The following SPOCK3 variants were observed in gnomAD, a reference collection of about 807,000 sequenced individuals.
SPOCK3 encodes the protein testican-3.
SPOCK3 carries 30 observed loss-of-function variants against 56.6 expected under a neutral mutation model. The ratio of observed to expected loss-of-function variants is 0.53; its 90% CI spans 0.40 to 0.72. The LOEUF (loss-of-function observed/expected upper bound fraction) is 0.72, where lower values mean the gene tolerates loss of function less well. SPOCK3 is among the 30% of genes least tolerant of loss of function. The pLI is 0.00. For missense variants in SPOCK3, 527 were observed against 530.0 expected, an observed-to-expected ratio of 0.99 and a Z score of 0.06; for synonymous variants, 196 against 183.3, an observed-to-expected ratio of 1.07 and a Z score of -0.56.
At chr4:166,938,400 A>C (rs965625601) in intron 4 of SPOCK3, among the ~76,000 whole-genome samples, 8 of 152,196 alleles carry the variant, frequency 5.3e-5, no homozygotes, top group Non-Finnish European at 1.2e-4. Context: ...ATATGAATAC[A>C]GGAAGTATAC....
chr4:166,957,590 T>G (rs187338884), intron 4 of SPOCK3, among the ~76,000 whole-genome samples: 91 of 152,322 alleles, frequency 6.0e-4, no homozygotes, highest in African/African-American at 2.1e-3. Flanking sequence ...GGCTCTTTCT[T>G]CAAAATATCT....
chr4:166,777,181 G>GT (rs934798634), intron 7 of SPOCK3, among the ~76,000 whole-genome samples: 6 of 152,010 alleles, frequency 3.9e-5, no homozygotes, highest in African/African-American at 1.4e-4. Context: ...AATTCAAATT[G>GT]TTTTAAATGC....
At chr4:167,106,760 G>T (rs542340445) in intron 2 of SPOCK3, among the ~76,000 whole-genome samples, 60 of 144,112 alleles carry the variant, frequency 4.2e-4, no homozygotes, top group African/African-American at 1.5e-3. Context: ...GCAGACCAAT[G>T]AATTAAAAAA....
intron 2 of SPOCK3, among the ~76,000 whole-genome samples, chr4:167,085,412 C>T (rs2150298973): frequency 6.6e-6 from 1 of 152,210 alleles, no homozygotes; most frequent in African/African-American, 2.4e-5. Flanking sequence ...TATTCCAGGA[C>T]CTCTGTCTCC....
chr4:166,949,654 G>A (rs979695325), intron 4 of SPOCK3, among the ~76,000 whole-genome samples: 20 of 152,032 alleles, frequency 1.3e-4, no homozygotes, highest in Non-Finnish European at 1.6e-4. Flanking sequence ...GCAGAACAGC[G>A]GTTTTTCATG....
intron 3 of SPOCK3, among the ~76,000 whole-genome samples, chr4:167,060,778 G>A (rs1755520592): frequency 6.6e-6 from 1 of 152,000 alleles, no homozygotes; most frequent in Non-Finnish European, 1.5e-5. Flanking sequence ...AACAGGTTTG[G>A]GGGTTCAGAC....
intron 2 of SPOCK3, among the ~76,000 whole-genome samples, chr4:167,167,321 C>A (rs892129515): frequency 1.3e-5 from 2 of 152,040 alleles, no homozygotes; most frequent in African/African-American, 2.4e-5. Context: ...GCTAAGATTG[C>A]GTTTTGGTGA....
chr4:167,016,665 T>C (rs983415276), intron 3 of SPOCK3, among the ~76,000 whole-genome samples: 3 of 151,886 alleles, frequency 2.0e-5, no homozygotes, highest in Non-Finnish European at 2.9e-5. Context: ...CTCAGTCTCC[T>C]GAGTAGCTGG....
At chr4:167,056,906 C>T (rs1359934907) in intron 3 of SPOCK3, among the ~76,000 whole-genome samples, 6 of 152,032 alleles carry the variant, frequency 3.9e-5, no homozygotes, top group Non-Finnish European at 7.4e-5. Context: ...GCAAGGCAGG[C>T]CAACATTCAG....
chr4:167,165,617 T>C (rs553976963), intron 2 of SPOCK3, among the ~76,000 whole-genome samples: 44 of 152,132 alleles, frequency 2.9e-4, no homozygotes, highest in African/African-American at 9.9e-4. Context: ...TTGGTTCAAT[T>C]CCTAGAAATT....
rs550922110 is a variant in SPOCK3, at chr4:166,968,586, G to A, written c.350+31763C>T. On this transcript the variant is annotated intron_variant, in intron 4 of 10. Coordinates refer to ENST00000357545, the MANE Select transcript of SPOCK3 (RefSeq NM_001040159.2). ...CTTGGTGGCTTCCATGTGATGTTGG[G>A]CATGCAGGTGCACAGAAGGCAAGAA... Among the ~76,000 whole-genome samples, 647 of 152,086 alleles carry A rather than the reference G, an allele frequency of 4.3e-3. 6 individuals are homozygous for A. The highest frequency in any genetic ancestry group is 5.9e-3 in the Non-Finnish European group (402 of 68,032).
intron 6 of SPOCK3, among the ~76,000 whole-genome samples, chr4:166,872,118 A>G (rs1007792807): frequency 3.3e-5 from 5 of 151,642 alleles, no homozygotes; most frequent in African/African-American, 1.2e-4. Context: ...TGACAAACTG[A>G]AAAATTTTCC....
At chr4:167,166,065 C>T (rs1373439927) in intron 2 of SPOCK3, among the ~76,000 whole-genome samples, 1 of 151,848 alleles carries the variant, frequency 6.6e-6, no homozygotes, top group Admixed American at 6.6e-5. Flanking sequence ...GGATTATAGA[C>T]AACAATGAGA....
chr4:166,842,170 G>T (rs1747480373), intron 6 of SPOCK3, among the ~76,000 whole-genome samples: 1 of 152,216 alleles, frequency 6.6e-6, no homozygotes. Context: ...CCCAAAGAGT[G>T]AGCAGCAGCA....
At chr4:166,939,711 T>C (rs1740833819) in intron 4 of SPOCK3, among the ~76,000 whole-genome samples, 1 of 152,236 alleles carries the variant, frequency 6.6e-6, no homozygotes, top group Non-Finnish European at 1.5e-5. Flanking sequence ...TCTTATCTAG[T>C]CACCTCGGTC....
intron 4 of SPOCK3, among the ~76,000 whole-genome samples, chr4:166,950,382 C>A (rs534573777): frequency 9.3e-4 from 140 of 151,338 alleles, no homozygotes; most frequent in African/African-American, 3.4e-3. Context: ...ACAAGAAGAG[C>A]TAACTATCCT....
intron 3 of SPOCK3, among the ~76,000 whole-genome samples, chr4:167,010,674 CAACA>C (rs1192917673): frequency 3.1e-4 from 47 of 152,034 alleles, no homozygotes; most frequent in African/African-American, 9.2e-4. Flanking sequence ...GGATATGCTT[CAACA>C]AATAGGGGGA....
intron 6 of SPOCK3, among the ~76,000 whole-genome samples, chr4:166,847,649 A>T (rs569458876): frequency 0.011 from 824 of 75,276 alleles, 40 homozygotes; most frequent in African/African-American, 0.044. Flanking sequence ...ATCCTAGTTT[A>T]TATATATATA....
At chr4:166,966,641 G>A (rs754248547) in intron 4 of SPOCK3, among the ~76,000 whole-genome samples, 61 of 152,074 alleles carry the variant, frequency 4.0e-4, no homozygotes, top group African/African-American at 1.1e-3. Context: ...TACAATCATC[G>A]TTTGTTGCCA....
Sources: allele counts gnomAD v4.1 joint callset (sites outside exome capture counted in the v4.1 genomes callset), GRCh38; gene constraint gnomAD v4.1.1; transcripts MANE v1.5; gene names NCBI Gene and HGNC (gene_info 2026-07-23, HGNC 2026-07-21).